The following TBC1D22B variants were observed in gnomAD, a reference collection of about 807,000 sequenced individuals.
TBC1D22B encodes TBC1 domain family member 22B.
Under a neutral mutation model 69.1 loss-of-function variants are expected in TBC1D22B, and 32 were observed. That is an observed-to-expected ratio of 0.46 (90% CI 0.35 to 0.62). The LOEUF is 0.62. TBC1D22B is among the 20% of genes least tolerant of loss of function. The pLI is 0.00. For missense variants in TBC1D22B, 462 were observed against 630.9 expected (o/e 0.73, Z 2.87); for synonymous variants, 206 against 229.8 (o/e 0.90, Z 0.94).
intron 3 of TBC1D22B, 97 bp from the exon 4 acceptor site, chr6:37,282,088 T>G: frequency 7.1e-7 from 1 of 1,410,982 alleles, no homozygotes; most frequent in Middle Eastern, 1.8e-4. Context: ...GCCACACCCT[T>G]GGGGAGGAAA....
chr6:37,313,736 T>C, intron 9 of TBC1D22B, 80 bp from the exon 10 acceptor site: 1 of 1,393,054 alleles, frequency 7.2e-7, no homozygotes, highest in South Asian at 1.2e-5. Flanking sequence ...TGGCCTGAAC[T>C]TCTAAACGTG....
intron 12 of TBC1D22B, among the ~76,000 whole-genome samples, chr6:37,329,936 A>T (rs185626114): frequency 1.2e-4 from 19 of 152,348 alleles, no homozygotes; most frequent in South Asian, 6.2e-4. Flanking sequence ...TTTTGTGCCC[A>T]GCTACACTTC....
At chr6:37,316,195 G>T (rs993295703) in intron 10 of TBC1D22B, among the ~76,000 whole-genome samples, 5 of 152,344 alleles carry the variant, frequency 3.3e-5, no homozygotes, top group African/African-American at 1.2e-4. Context: ...GCGCTTTCTG[G>T]TGAATCACTT....
intron 2 of TBC1D22B, among the ~76,000 whole-genome samples, chr6:37,276,680 CA>C (rs1766681366): frequency 6.6e-6 from 1 of 152,030 alleles, no homozygotes; most frequent in African/African-American, 2.4e-5. Flanking sequence ...CTTGTAATCC[CA>C]GCACTTTGGG....
chr6:37,301,164 CT>C (rs1443280117), intron 8 of TBC1D22B, among the ~76,000 whole-genome samples: 2 of 152,086 alleles, frequency 1.3e-5, no homozygotes, highest in Admixed American at 1.3e-4. Flanking sequence ...AGTGGGGAAC[CT>C]TTTATTAATA....
At chr6:37,298,734 A>T (rs1014503223) in intron 8 of TBC1D22B, among the ~76,000 whole-genome samples, 1 of 151,934 alleles carries the variant, frequency 6.6e-6, no homozygotes, top group Non-Finnish European at 1.5e-5. Flanking sequence ...TTTAGGAAAG[A>T]CGGGGTTTCA....
rs141261130 is a variant in TBC1D22B, at chr6:37,301,412, T to C, written c.982+10055T>C. On this transcript the variant is annotated intron_variant, in intron 8 of 12. Transcript: ENST00000373491. ...CATCACCCCTAAGCCTCCCATCCCGTGTATCCCTGGGCAACCACTAATCTT... is the reference window on the plus strand; with the variant it reads ...CATCACCCCTAAGCCTCCCATCCCGCGTATCCCTGGGCAACCACTAATCTT... 2.6e-4 allele frequency among the ~76,000 whole-genome samples: 40 copies of C among 152,300 alleles called. No homozygotes were observed. In the East Asian group the frequency reaches 7.3e-3, roughly 28 times the overall value.
chr6:37,278,499 T>C (rs912162817), intron 2 of TBC1D22B, among the ~76,000 whole-genome samples: 4 of 152,210 alleles, frequency 2.6e-5, no homozygotes, highest in Admixed American at 2.6e-4. Flanking sequence ...TATTTCCTGC[T>C]CATGCTACAT....
At chr6:37,329,881 A>T (rs1159110946) in intron 12 of TBC1D22B, among the ~76,000 whole-genome samples, 1 of 152,222 alleles carries the variant, frequency 6.6e-6, no homozygotes, top group Non-Finnish European at 1.5e-5. Context: ...ATTGGCCAGA[A>T]CCTAATCGTA....
chr6:37,280,056 C>T (rs987959366), intron 3 of TBC1D22B, among the ~76,000 whole-genome samples: 2 of 152,196 alleles, frequency 1.3e-5, no homozygotes, highest in African/African-American at 4.8e-5. Flanking sequence ...ATAAGGTTGT[C>T]TTTTCCTGTT....
Position 37,282,221 on chromosome 6 carries a change from A to G in TBC1D22B, c.458A>G (p.Gln153Arg). The G allele has an allele frequency of 6.2e-6, 10 of 1,614,126 alleles. No individual in the cohort carries two copies. Among genetic ancestry groups the G allele is most frequent in the Non-Finnish European group, 8.5e-6 (10 of 1,180,012 alleles). ...CTGAGGAACCCACTCCACAAACAGC[A>G]ATCACTCCCTCTCCGGCCCATCATC... is the stretch of plus-strand genomic sequence containing the variant. ...TCLRNPLHKQQSLPLRPIIPL... is the reference protein window; with the variant it reads ...TCLRNPLHKQRSLPLRPIIPL... Residue 153 changes from glutamine to arginine, a missense_variant, in exon 4 of 13, where the codon CAA becomes CGA. Coordinates refer to ENST00000373491, the MANE Select transcript of TBC1D22B (RefSeq NM_017772.4).
At chr6:37,258,016 C>T (rs1229973215) in intron 1 of TBC1D22B, 43 bp downstream of exon 1, 2 of 1,600,282 alleles carry the variant, frequency 1.2e-6, no homozygotes, top group Non-Finnish European at 1.7e-6. Context: ...TGGACCAAAC[C>T]CTTCCAGATC....
intron 1 of TBC1D22B, among the ~76,000 whole-genome samples, chr6:37,266,048 C>T (rs771801829): frequency 3.9e-5 from 6 of 152,328 alleles, no homozygotes; most frequent in Non-Finnish European, 5.9e-5. Flanking sequence ...TGCAAATCTA[C>T]GTCACTTCCT....
intron 12 of TBC1D22B, among the ~76,000 whole-genome samples, chr6:37,328,033 G>A (rs1195776723): frequency 6.6e-6 from 1 of 152,092 alleles, no homozygotes; most frequent in East Asian, 1.9e-4. Context: ...TTTGTGGTGG[G>A]CCAGGCGCGG....
chr6:37,327,558 G>C (rs1768461447), intron 12 of TBC1D22B, among the ~76,000 whole-genome samples: 1 of 150,348 alleles, frequency 6.7e-6, no homozygotes, highest in Non-Finnish European at 1.5e-5. Flanking sequence ...AACAAAAAAA[G>C]CTTTGAGGCA....
rs115021976 is a variant in TBC1D22B at position 37,279,338 on chromosome 6, C to A, written c.148C>A (p.Pro50Thr). 1 of 1,612,292 alleles carries A rather than the reference C, an allele frequency of 6.2e-7. No homozygotes were observed. Among genetic ancestry groups the A allele is most frequent in the Non-Finnish European group, 8.5e-7 (1 of 1,179,376 alleles). The part of the protein sequence containing the change: ...IKERSKVNTV[P>T]LKNKKASSFH... ...AGAACGATCAAAAGTCAACACAGTT[C>A]CTCTGAAGAATAAGAAGGCCTCCAG... The change falls in exon 3 of 13, where the codon CCT becomes ACT. Residue 50 changes from proline (P) to threonine (T), a missense_variant. Pro to Thr is a conservative substitution (Grantham distance 38). Coordinates refer to ENST00000373491, the MANE Select transcript of TBC1D22B (RefSeq NM_017772.4).
chr6:37,308,506 T>C (rs1276188550), intron 8 of TBC1D22B, among the ~76,000 whole-genome samples: 1 of 152,178 alleles, frequency 6.6e-6, no homozygotes, highest in African/African-American at 2.4e-5. Context: ...GCTGGGGAAC[T>C]ATCTCACTGG....
intron 2 of TBC1D22B, among the ~76,000 whole-genome samples, chr6:37,270,385 AG>A (rs1214204813): frequency 2.0e-5 from 3 of 152,180 alleles, no homozygotes; most frequent in African/African-American, 4.8e-5. Context: ...CAGGAGGCAG[AG>A]GTTGCAGTGA....
At chr6:37,306,364 CTG>C (rs1230756340) in intron 8 of TBC1D22B, among the ~76,000 whole-genome samples, 7 of 152,232 alleles carry the variant, frequency 4.6e-5, no homozygotes, top group African/African-American at 1.2e-4. Flanking sequence ...TGAGTAGCCT[CTG>C]TGAACAGCTG....
Sources: gnomAD v4.1 joint callset for allele counts (sites outside exome capture counted in the v4.1 genomes callset) on GRCh38, gnomAD v4.1.1 for gene constraint, MANE v1.5 for transcripts, NCBI Gene and HGNC (gene_info 2026-07-23, HGNC 2026-07-21) for gene names.